The following ELL variants were observed in gnomAD, a reference collection of about 807,000 sequenced individuals.
ELL encodes the protein RNA polymerase II elongation factor ELL.
In ELL, 18 loss-of-function variants were observed where a neutral mutation model predicts 64.0. The ratio of observed to expected loss-of-function variants is 0.28; its 90% CI spans 0.19 to 0.42. The LOEUF is 0.42. Ranked by LOEUF, ELL falls within the 10% of genes least tolerant of loss-of-function variation. The probability of loss-of-function intolerance (pLI) is 1.00; values close to 1 mark genes in which losing one functional copy is unlikely to be tolerated. For missense variants in ELL, 797 were observed against 870.4 expected (o/e 0.92, Z 1.06); for synonymous variants, 399 against 376.2 (o/e 1.06, Z -0.70).
chr19:18,479,834 G>A (rs1212225359), intron 1 of ELL, among the ~76,000 whole-genome samples: 1 of 152,090 alleles, frequency 6.6e-6, no homozygotes, highest in African/African-American at 2.4e-5. Context: ...ATCTGGCCAG[G>A]TCCCAGGATA....
chr19:18,450,564 T>C lies in ELL; in HGVS notation c.1378A>G (p.Arg460Gly), dbSNP rs142159817. ...KKSKKHKDKE[R>G]AAEDKPRAQL... ...GCCCGGGGCTTGTCCTCAGCCGCCC[T>C]CTCCTTGTCTTTGTGCTTCTTGGAC... Residue 460 changes from arginine (R) to glycine (G), a missense_variant, in exon 8 of 12, where the codon AGG (arginine) becomes GGG (glycine). By Grantham distance (125) the Arg-to-Gly change is moderately radical (BLOSUM62 -2). Coordinates refer to ENST00000262809, the MANE Select transcript of ELL (RefSeq NM_006532.4). 1 of 1,612,598 alleles carries C rather than the reference T, an allele frequency of 6.2e-7. No homozygotes were observed. The highest frequency in any genetic ancestry group is 2.2e-5 in the East Asian group (1 of 44,814).
In ELL at chr19:18,444,631, T is replaced by C; in HGVS notation, c.*121A>G. On this transcript the variant is annotated 3_prime_UTR_variant, in exon 12 of 12. Coordinates refer to ENST00000262809, the MANE Select transcript of ELL (RefSeq NM_006532.4). ...GGCCAGACGTCTGCAGGGGCTGCCC[T>C]GAAAGCCGGCGGTGCTGGCTCAGAT... is the stretch of plus-strand genomic sequence containing the variant. The C allele has an allele frequency of 8.7e-7, 1 of 1,155,178 alleles. No individual in the cohort carries two copies. The highest frequency in any genetic ancestry group is 1.2e-6 in the Non-Finnish European group (1 of 828,500). 71.6% of individuals were successfully genotyped at this position (1,155,178 alleles called of 1,614,324 possible). A position where few individuals can be genotyped will look rare whatever the true frequency, so the allele number is the denominator to read the frequency against.
chr19:18,459,174 G>T (rs1276836879), intron 5 of ELL, among the ~76,000 whole-genome samples: 2 of 152,162 alleles, frequency 1.3e-5, no homozygotes, highest in African/African-American at 4.8e-5. Flanking sequence ...ACCGCGCTGG[G>T]CTCCACCCCA....
intron 1 of ELL, among the ~76,000 whole-genome samples, chr19:18,503,016 G>A (rs1447465334): frequency 4.6e-5 from 7 of 152,214 alleles, no homozygotes; most frequent in South Asian, 4.1e-4. Context: ...GGCACTGCTC[G>A]GCTCCCTGGG....
chr19:18,506,743 C>G (rs1975891272), intron 1 of ELL, among the ~76,000 whole-genome samples: 1 of 152,176 alleles, frequency 6.6e-6, no homozygotes, highest in Non-Finnish European at 1.5e-5. Flanking sequence ...AAGCAGACTT[C>G]CGTTCAACAG....
At chr19:18,468,209 A>C (rs368833092) in intron 2 of ELL, among the ~76,000 whole-genome samples, 81 of 129,286 alleles carry the variant, frequency 6.3e-4, no homozygotes, top group Middle Eastern at 3.6e-3. Flanking sequence ...CACAACCCCC[A>C]CACACACAAA....
intron 1 of ELL, among the ~76,000 whole-genome samples, chr19:18,517,316 G>A (rs567917655): frequency 2.0e-5 from 3 of 152,242 alleles, no homozygotes; most frequent in Non-Finnish European, 2.9e-5. Context: ...GGAGTGCAGT[G>A]GTGCGATCTC....
intron 1 of ELL, among the ~76,000 whole-genome samples, chr19:18,500,898 A>G (rs1019080604): frequency 1.3e-5 from 2 of 152,206 alleles, no homozygotes; most frequent in African/African-American, 4.8e-5. Flanking sequence ...ATACCAGCCA[A>G]TTTGCACACA....
intron 1 of ELL, among the ~76,000 whole-genome samples, chr19:18,500,482 A>G (rs1225381767): frequency 6.6e-6 from 1 of 152,202 alleles, no homozygotes; most frequent in Admixed American, 6.5e-5. Flanking sequence ...TCTTACACAC[A>G]GAATCCAGTT....
At chr19:18,513,477 A>G (rs1321712798) in intron 1 of ELL, among the ~76,000 whole-genome samples, 3 of 152,230 alleles carry the variant, frequency 2.0e-5, no homozygotes, top group Non-Finnish European at 4.4e-5. Context: ...ACAACACGGT[A>G]CACCCAGGCG....
At chr19:18,469,354 A>G (rs984613611) in intron 2 of ELL, among the ~76,000 whole-genome samples, 1 of 152,194 alleles carries the variant, frequency 6.6e-6, no homozygotes, top group Admixed American at 6.5e-5. Flanking sequence ...AATGGTTACC[A>G]GCCCGGGACC....
intron 1 of ELL, among the ~76,000 whole-genome samples, chr19:18,509,598 T>TACACACACACACACACACAC (rs1183127480): frequency 6.1e-5 from 5 of 81,876 alleles, no homozygotes; most frequent in Admixed American, 1.1e-4. Context: ...CGCGCGCACA[T>TACACACACACACACACACAC]ACACACACAC....
At chr19:18,446,269 C>A in intron 10 of ELL, 40 bp downstream of exon 10, 1 of 1,501,782 alleles carries the variant, frequency 6.7e-7, no homozygotes, top group Non-Finnish European at 8.9e-7. Context: ...CCCTGGCTCC[C>A]GCCAGAGCCA....
At chr19:18,508,665 C>T (rs893620905) in intron 1 of ELL, among the ~76,000 whole-genome samples, 1 of 152,236 alleles carries the variant, frequency 6.6e-6, no homozygotes, top group African/African-American at 2.4e-5. Flanking sequence ...CCTAGACCAG[C>T]GGCCAGCAAG....
At chr19:18,483,904 C>G (rs4808806) in intron 1 of ELL, among the ~76,000 whole-genome samples, 48,252 of 152,112 alleles carry the variant, frequency 0.32, 9,571 homozygotes, top group African/African-American at 0.56. Context: ...GCTTCCAGGA[C>G]AGTGCATCTC....
At chr19:18,507,813 G>C (rs1193943360) in intron 1 of ELL, among the ~76,000 whole-genome samples, 2 of 152,150 alleles carry the variant, frequency 1.3e-5, no homozygotes, top group African/African-American at 2.4e-5. Flanking sequence ...ACTGCATTCA[G>C]AGCCCAACTA....
At chr19:18,521,371 C>G (rs1976268627) in intron 1 of ELL, among the ~76,000 whole-genome samples, 1 of 152,140 alleles carries the variant, frequency 6.6e-6, no homozygotes, top group Non-Finnish European at 1.5e-5. Flanking sequence ...CAGCCCCCAG[C>G]TGCAAAGCCT....
chr19:18,485,367 C>T (rs1241292165), intron 1 of ELL, among the ~76,000 whole-genome samples: 2 of 152,200 alleles, frequency 1.3e-5, no homozygotes, highest in African/African-American at 4.8e-5. Context: ...ATTAGAGCGC[C>T]TCCTCTCTGC....
chr19:18,521,858 G>T, intron 1 of ELL, 63 bp downstream of exon 1: 1 of 1,519,410 alleles, frequency 6.6e-7, no homozygotes, highest in South Asian at 1.2e-5. Context: ...TCAGTGAGGG[G>T]AGCGCGAGGC....
Sources: gnomAD v4.1 joint callset for allele counts (sites outside exome capture counted in the v4.1 genomes callset) on GRCh38, gnomAD v4.1.1 for gene constraint, MANE v1.5 for transcripts, NCBI Gene and HGNC (gene_info 2026-07-23, HGNC 2026-07-21) for gene names.